The following PCDH9 variants were observed in gnomAD, a reference collection of about 807,000 sequenced individuals.
PCDH9 encodes protocadherin 9, also known as protocadherin-9.
In PCDH9, 24 loss-of-function variants were observed where a neutral mutation model predicts 70.6. That is an observed-to-expected ratio of 0.34 (90% confidence interval 0.25 to 0.48). PCDH9 has a LOEUF of 0.48. Among genes scored for constraint, PCDH9 ranks in the 20% least tolerant of loss-of-function variants. PCDH9 has a pLI of 0.99. For missense variants in PCDH9, 1,281 were observed against 1,503.6 expected, an observed-to-expected ratio of 0.85 and a Z score of 2.45; for synonymous variants, 562 against 558.5, an observed-to-expected ratio of 1.01 and a Z score of -0.09.
intron 2 of PCDH9, among the ~76,000 whole-genome samples, chr13:67,183,898 C>T (rs17520005): frequency 0.03 from 4,509 of 152,184 alleles, 126 homozygotes; most frequent in Admixed American, 0.088. Flanking sequence ...TGGTGAGTTA[C>T]GTGGCATTCC....
intron 4 of PCDH9, among the ~76,000 whole-genome samples, chr13:66,543,268 T>C (rs1337915465): frequency 6.6e-6 from 1 of 151,964 alleles, no homozygotes; most frequent in African/African-American, 2.4e-5. Flanking sequence ...TTAGTCAAAA[T>C]AGTTATATGA....
At chr13:66,836,504 G>T (rs1396255463) in intron 3 of PCDH9, among the ~76,000 whole-genome samples, 1 of 151,628 alleles carries the variant, frequency 6.6e-6, no homozygotes, top group Non-Finnish European at 1.5e-5. Context: ...TTTCTTTGTT[G>T]TATCTTCACC....
intron 4 of PCDH9, among the ~76,000 whole-genome samples, chr13:66,431,486 CT>C (rs564730103): frequency 6.6e-6 from 1 of 152,004 alleles, no homozygotes; most frequent in Non-Finnish European, 1.5e-5. Context: ...AAACTGTTAA[CT>C]GTTTATGGTG....
At chr13:67,137,072 T>C (rs2087250143) in intron 2 of PCDH9, among the ~76,000 whole-genome samples, 1 of 151,990 alleles carries the variant, frequency 6.6e-6, no homozygotes, top group Admixed American at 6.6e-5. Context: ...TGTATACATA[T>C]GTAGCAAACC....
intron 2 of PCDH9, among the ~76,000 whole-genome samples, chr13:67,008,237 C>G: frequency 6.6e-6 from 1 of 152,060 alleles, no homozygotes; most frequent in South Asian, 2.1e-4. Flanking sequence ...TTCAAAGTTA[C>G]TGGAGAGTAA....
chr13:67,162,913 A>G (rs1377884864), intron 2 of PCDH9, among the ~76,000 whole-genome samples: 1 of 152,232 alleles, frequency 6.6e-6, no homozygotes, highest in Non-Finnish European at 1.5e-5. Flanking sequence ...GGTGAAATTT[A>G]GAAAAGTTAA....
chr13:66,948,546 A>G (rs1237436326), intron 2 of PCDH9, among the ~76,000 whole-genome samples: 1 of 151,544 alleles, frequency 6.6e-6, no homozygotes, highest in African/African-American at 2.4e-5. Context: ...AAAAAAAAAT[A>G]AGTATGGCAC....
At chr13:66,375,384 T>C (rs1956730404) in intron 4 of PCDH9, among the ~76,000 whole-genome samples, 1 of 152,060 alleles carries the variant, frequency 6.6e-6, no homozygotes, top group African/African-American at 2.4e-5. Context: ...TTTTTACTCG[T>C]CCTCAAAACT....
rs546579905 is a variant in PCDH9, at chr13:66,646,907, G to A, written c.3139-15496C>T. Among the ~76,000 whole-genome samples, 18 of 152,240 alleles carry A rather than the reference G, an allele frequency of 1.2e-4. No individual in the cohort carries two copies. The South Asian group carries it at 2.5e-3, about 21-fold the overall frequency. On this transcript the variant is annotated intron_variant, in intron 3 of 4. Transcript: ENST00000377865. ...TCTGTACACTTGAGGGAGGGAGAGC[G>A]CAGTGATTGTGAGACTTTGCATTGG...
chr13:66,981,307 A>T (rs993920818), intron 2 of PCDH9, among the ~76,000 whole-genome samples: 5 of 151,922 alleles, frequency 3.3e-5, no homozygotes, highest in Non-Finnish European at 7.4e-5. Flanking sequence ...GCGTGGTGGC[A>T]GGAGCCTGTA....
At chr13:67,156,244 A>G (rs564099961) in intron 2 of PCDH9, among the ~76,000 whole-genome samples, 2 of 152,286 alleles carry the variant, frequency 1.3e-5, no homozygotes, top group African/African-American at 4.8e-5. Context: ...GACTCTAGCA[A>G]GGCAAAGACC....
intron 2 of PCDH9, among the ~76,000 whole-genome samples, chr13:67,153,439 G>C (rs983645994): frequency 2.0e-5 from 3 of 152,108 alleles, no homozygotes; most frequent in African/African-American, 4.8e-5. Flanking sequence ...CAAGCGTGGG[G>C]ATTATAGGAG....
chr13:66,421,210 T>C (rs1168829749), intron 4 of PCDH9, among the ~76,000 whole-genome samples: 1 of 152,042 alleles, frequency 6.6e-6, no homozygotes, highest in African/African-American at 2.4e-5. Context: ...TTGATTGGTA[T>C]ACCTGAAAGT....
chr13:66,463,099 T>C (rs1426661823), intron 4 of PCDH9, among the ~76,000 whole-genome samples: 1 of 151,802 alleles, frequency 6.6e-6, no homozygotes, highest in African/African-American at 2.4e-5. Flanking sequence ...ATCTGTAATT[T>C]TGGTGGAAGA....
intron 2 of PCDH9, among the ~76,000 whole-genome samples, chr13:66,931,258 A>C (rs2082803295): frequency 6.6e-6 from 1 of 152,076 alleles, no homozygotes; most frequent in African/African-American, 2.4e-5. Context: ...TGCTTTGTTC[A>C]TTTAACATTC....
At chr13:66,977,121 T>C (rs2083635248) in intron 2 of PCDH9, among the ~76,000 whole-genome samples, 1 of 152,146 alleles carries the variant, frequency 6.6e-6, no homozygotes, top group South Asian at 2.1e-4. Context: ...AGATTATCTT[T>C]ATACTTCTCC....
At chr13:67,043,181 T>A (rs1344116198) in intron 2 of PCDH9, among the ~76,000 whole-genome samples, 1 of 152,190 alleles carries the variant, frequency 6.6e-6, no homozygotes, top group Non-Finnish European at 1.5e-5. Flanking sequence ...CAAATTTTAA[T>A]CAGGAACATC....
intron 4 of PCDH9, among the ~76,000 whole-genome samples, chr13:66,593,896 A>C (rs1259211854): frequency 6.6e-6 from 1 of 151,350 alleles, no homozygotes; most frequent in Non-Finnish European, 1.5e-5. Flanking sequence ...AGTACTCATC[A>C]GAATTTGGAG....
intron 3 of PCDH9, among the ~76,000 whole-genome samples, chr13:66,758,247 T>A (rs2079567888): frequency 6.6e-6 from 1 of 152,018 alleles, no homozygotes; most frequent in African/African-American, 2.4e-5. Flanking sequence ...ATACATTATA[T>A]CATCAACTAT....
Sources: allele counts gnomAD v4.1 joint callset (sites outside exome capture counted in the v4.1 genomes callset), GRCh38; gene constraint gnomAD v4.1.1; transcripts MANE v1.5; gene names NCBI Gene and HGNC (gene_info 2026-07-23, HGNC 2026-07-21).